The following ZNF568 variants were observed in gnomAD, a reference collection of about 807,000 sequenced individuals.
The protein encoded by ZNF568 is p53 inhibitor of SCO2 activation.
Under a neutral mutation model 18.1 loss-of-function variants are expected in ZNF568, and 11 were observed. The observed-to-expected ratio is 0.61, with a 90% confidence interval of 0.38 to 1.00. ZNF568 has a LOEUF of 1.00. ZNF568 is among the 50% of genes least tolerant of loss of function. The pLI is 0.01. For synonymous variants in ZNF568, 213 were observed against 246.6 expected (o/e 0.86, Z 1.28); for missense variants, 639 against 768.2 (o/e 0.83, Z 1.99).
chr19:36,943,125 C>A (rs975256171), intron 6 of ZNF568, among the ~76,000 whole-genome samples: 1 of 152,190 alleles, frequency 6.6e-6, no homozygotes, highest in Non-Finnish European at 1.5e-5. Context: ...AGATTCAAAT[C>A]TTTGGCAAGT....
At chr19:36,985,516 T>G (rs2551059) in intron 2 of ZNF568, among the ~76,000 whole-genome samples, 4 of 33,084 alleles carry the variant, frequency 1.2e-4, no homozygotes, top group African/African-American at 5.8e-4. Context: ...TGTTTGTTTG[T>G]TTTGTTTTGT....
intron 4 of ZNF568, among the ~76,000 whole-genome samples, chr19:36,935,891 A>T (rs1008339613): frequency 6.6e-6 from 1 of 152,196 alleles, no homozygotes; most frequent in Admixed American, 6.5e-5. Flanking sequence ...CATGTAGTTG[A>T]ATTCTGTTTT....
intron 4 of ZNF568, among the ~76,000 whole-genome samples, chr19:36,993,821 C>G (rs1242603817): frequency 6.6e-6 from 1 of 151,986 alleles, no homozygotes; most frequent in African/African-American, 2.4e-5. Flanking sequence ...AAAGATTTGC[C>G]AATTCTGTTG....
downstream of ZNF568, among the ~76,000 whole-genome samples, chr19:36,983,192 G>GC: frequency 6.6e-6 from 1 of 152,318 alleles, no homozygotes; most frequent in African/African-American, 2.4e-5. Flanking sequence ...AGGAGTTGCA[G>GC]CAGAGATGGT....
At chr19:36,935,808 G>A (rs964707760) in intron 4 of ZNF568, among the ~76,000 whole-genome samples, 1 of 152,126 alleles carries the variant, frequency 6.6e-6, no homozygotes. Context: ...TTGTTCGCAT[G>A]CTGTGTTTTT....
intron 6 of ZNF568, among the ~76,000 whole-genome samples, chr19:36,958,592 T>TTTTTTTC (rs1190173084): frequency 6.7e-6 from 1 of 149,206 alleles, no homozygotes; most frequent in South Asian, 2.1e-4. Context: ...ATATTCTTTC[T>TTTTTTTC]TTTTTTCTTT....
At chr19:36,923,534 A>T (rs2073494410) in intron 3 of ZNF568, among the ~76,000 whole-genome samples, 1 of 151,346 alleles carries the variant, frequency 6.6e-6, no homozygotes, top group Non-Finnish European at 1.5e-5. Context: ...ATCTTGCAAT[A>T]TGAGAACTTT....
rs903289879 is a variant in ZNF568 at position 36,952,198 on chromosome 19, C to T, written c.*1110C>T. 1.8e-5 allele frequency: 6 copies of T among 338,984 alleles called. No individual in the cohort carries two copies. The highest frequency in any genetic ancestry group is 1.4e-4 in the African/African-American group (6 of 44,292). 21.0% of individuals were successfully genotyped at this position (338,984 alleles called of 1,614,324 possible). A position where few individuals can be genotyped will look rare whatever the true frequency, so the allele number is the denominator to read the frequency against. On this transcript the variant is annotated 3_prime_UTR_variant, in exon 7 of 7. Transcript: ENST00000333987. ...TGGCACATGCCTGTAATCCCAGCTA[C>T]TTGGGAGGCTGATAGAAGAAGATAA...
rs1476698067 is a variant in ZNF568, at chr19:36,962,279, T to A, written c.359-12141T>A. On this transcript the variant is annotated intron_variant, in intron 6 of 7. Coordinates refer to the ZNF568 transcript ENST00000427117. ...TTCATGATGGTAAGTGTTGCAGTGT[T>A]TTTTTTTTTTTTTTTTTTTTTGCTT... Among the ~76,000 whole-genome samples the A allele has an allele frequency of 5.1e-4, 29 of 57,016 alleles. 1 individual carries two copies. Among genetic ancestry groups the A allele is most frequent in the African/African-American group, 1.9e-3 (25 of 12,900 alleles). The allele number at this position is 57,016 out of a possible 152,430, so 37.4% of individuals were successfully genotyped here. A position where few individuals can be genotyped will look rare whatever the true frequency, so the allele number is the denominator to read the frequency against.
intron 4 of ZNF568, among the ~76,000 whole-genome samples, 177 bp downstream of exon 4, chr19:36,925,435 C>CATACAGAATT (rs2073535676): frequency 6.6e-6 from 1 of 152,092 alleles, no homozygotes; most frequent in Non-Finnish European, 1.5e-5. Context: ...GAAGCAGGTA[C>CATACAGAATT]ATACAGAATT....
chr19:36,922,981 A>C, intron 3 of ZNF568, 135 bp downstream of exon 3: 1 of 664,806 alleles, frequency 1.5e-6, no homozygotes, highest in South Asian at 2.3e-5. Context: ...ATTTGTTTTT[A>C]ATCATATTCA....
rs2074039214 is a variant in ZNF568 at position 36,950,398 on chromosome 19, G to A, written c.1245G>A (p.Glu415=). 6.2e-7 allele frequency: 1 copy of A among 1,614,028 alleles called. No homozygotes were observed. ...TACATATGAGAAGTCACACTGGTGA[G>A]AAACCCTATGTATGTAGTGAATGTG... The part of the protein sequence containing the change: ...FIIHMRSHTG[E]KPYVCSECGK... Residue 415 remains glutamate (E), a synonymous_variant, in exon 7 of 7, where the codon GAG becomes GAA. Transcript: ENST00000333987.
intron 7 of ZNF568, among the ~76,000 whole-genome samples, chr19:36,975,643 C>T (rs1048130644): frequency 7.1e-6 from 1 of 140,670 alleles, no homozygotes; most frequent in Non-Finnish European, 1.6e-5. Context: ...CTTGGCCTCC[C>T]AAAGTGCTGG....
At chr19:36,977,106 A>G (rs1044491170) in intron 7 of ZNF568, among the ~76,000 whole-genome samples, 3 of 152,180 alleles carry the variant, frequency 2.0e-5, no homozygotes, top group Admixed American at 1.3e-4. Flanking sequence ...TTTTAGATTC[A>G]TTTAGTTTTC....
In ZNF568 at chr19:36,965,156, G is replaced by A. The variant is rs927035009; in HGVS notation, c.359-9264G>A. On this transcript the variant is annotated intron_variant, in intron 6 of 7. Transcript: ENST00000427117. ...CCAAAATTCATGTTGAAATTTAGTT[G>A]CCATTATAACAGTATTAAGAGGTGG... Among the ~76,000 whole-genome samples the A allele has an allele frequency of 2.0e-5, 3 of 152,210 alleles. No individual in the cohort carries two copies. In the East Asian group the frequency reaches 5.8e-4, roughly 29 times the overall value.
chr19:36,927,389 A>G (rs1172959656), intron 4 of ZNF568, among the ~76,000 whole-genome samples: 1 of 152,150 alleles, frequency 6.6e-6, no homozygotes, highest in Non-Finnish European at 1.5e-5. Flanking sequence ...ATAGGAATTT[A>G]CTGATAATTC....
chr19:36,975,939 C>T (rs1220397866), intron 7 of ZNF568, among the ~76,000 whole-genome samples: 1 of 151,990 alleles, frequency 6.6e-6, no homozygotes, highest in African/African-American at 2.4e-5. Flanking sequence ...TGTGATCTCC[C>T]TGCCTCGGCC....
At chr19:36,991,286 C>A in exon 3 of ZNF568, 3 of 1,534,838 alleles carry the variant, frequency 2.0e-6, no homozygotes, top group Non-Finnish European at 2.6e-6. Flanking sequence ...ATTACGGCAA[C>A]CTGGTCTTAC....
chr19:36,919,782 A>G (rs1453982272), intron 2 of ZNF568, among the ~76,000 whole-genome samples: 1 of 152,300 alleles, frequency 6.6e-6, no homozygotes, highest in Non-Finnish European at 1.5e-5. Flanking sequence ...TCTAGCCAAT[A>G]TAACACTGTA....
Sources: allele counts gnomAD v4.1 joint callset (sites outside exome capture counted in the v4.1 genomes callset), GRCh38; gene constraint gnomAD v4.1.1; transcripts MANE v1.5; gene names NCBI Gene and HGNC (gene_info 2026-07-23, HGNC 2026-07-21).